The following CCDC171 variants were observed in gnomAD, a reference collection of about 807,000 sequenced individuals.
CCDC171 encodes coiled-coil domain containing 171.
A neutral mutation model predicts 168.2 loss-of-function variants in CCDC171; 177 were observed. The observed-to-expected ratio is 1.05, with a 90% confidence interval of 0.93 to 1.19. The LOEUF (loss-of-function observed/expected upper bound fraction) is 1.19, where lower values mean the gene tolerates loss of function less well. Ranked by LOEUF, CCDC171 falls within the 50% of genes most tolerant of loss-of-function variation. The pLI is 0.00. For synonymous variants in CCDC171, 687 were observed against 540.8 expected (o/e 1.27, Z -3.75); for missense variants, 1,991 against 1,539.0 (o/e 1.29, Z -4.91).
chr9:15,613,016 G>A (rs774207469), intron 6 of CCDC171, among the ~76,000 whole-genome samples: 1 of 152,030 alleles, frequency 6.6e-6, no homozygotes, highest in Non-Finnish European at 1.5e-5. Flanking sequence ...TTTTGTTGGG[G>A]GTTCTATATA....
At chr9:15,748,281 G>GT (rs1158441836) in intron 18 of CCDC171, among the ~76,000 whole-genome samples, 1 of 152,076 alleles carries the variant, frequency 6.6e-6, no homozygotes, top group East Asian at 1.9e-4. Flanking sequence ...AGAAAAAGGA[G>GT]TAAAAAAAAT....
intron 8 of CCDC171, among the ~76,000 whole-genome samples, chr9:15,664,703 T>G (rs1338463866): frequency 1.4e-5 from 2 of 148,098 alleles, no homozygotes. Context: ...TGTTTTTTTT[T>G]TTTTTTTTTT....
the CCDC171 span, among the ~76,000 whole-genome samples, chr9:16,071,653 C>T: frequency 0.017 from 2,521 of 152,330 alleles, 60 homozygotes; most frequent in African/African-American, 0.056. Flanking sequence ...GAGGAAGCTT[C>T]GCTTCCCAAC....
At chr9:16,081,376 C>T in the CCDC171 span, among the ~76,000 whole-genome samples, 1 of 152,210 alleles carries the variant, frequency 6.6e-6, no homozygotes, top group Non-Finnish European at 1.5e-5. Flanking sequence ...TGATAGTTCC[C>T]TGGCAACTAT....
intron 4 of CCDC171, among the ~76,000 whole-genome samples, chr9:15,585,324 A>C (rs1301259769): frequency 6.6e-6 from 1 of 152,224 alleles, no homozygotes; most frequent in African/African-American, 2.4e-5. Context: ...TGGTGGTCCA[A>C]AGTTGGGGAA....
At chr9:15,950,949 A>G (rs1829082586) in intron 25 of CCDC171, among the ~76,000 whole-genome samples, 1 of 151,644 alleles carries the variant, frequency 6.6e-6, no homozygotes, top group Non-Finnish European at 1.5e-5. Context: ...CAAATGGAAA[A>G]CAAAAAGAGG....
chr9:15,798,762 A>G (rs911489267), intron 21 of CCDC171, among the ~76,000 whole-genome samples: 1 of 152,160 alleles, frequency 6.6e-6, no homozygotes, highest in African/African-American at 2.4e-5. Context: ...GAGGCTCACA[A>G]TGCCCGAAAT....
chr9:15,664,315 C>G (rs1053957533), intron 8 of CCDC171, among the ~76,000 whole-genome samples: 5 of 152,156 alleles, frequency 3.3e-5, no homozygotes, highest in African/African-American at 9.7e-5. Flanking sequence ...GTGGTGCGAT[C>G]TTGGCTCACT....
chr9:15,723,294 C>T (rs937577739), intron 12 of CCDC171, among the ~76,000 whole-genome samples: 1 of 152,180 alleles, frequency 6.6e-6, no homozygotes, highest in African/African-American at 2.4e-5. Flanking sequence ...GAACAGTCTT[C>T]TGCTCTGTTC....
the CCDC171 span, among the ~76,000 whole-genome samples, chr9:16,100,503 A>G: frequency 1.1e-4 from 17 of 152,298 alleles, no homozygotes; most frequent in African/African-American, 3.6e-4. Flanking sequence ...GGCCACACAC[A>G]CAAATGTTGC....
At chr9:16,094,507 T>C in the CCDC171 span, among the ~76,000 whole-genome samples, 20 of 152,062 alleles carry the variant, frequency 1.3e-4, no homozygotes, top group Admixed American at 1.3e-3. Context: ...TGATGACCAA[T>C]TTGATGTGGG....
chr9:16,053,786 C>G (rs1395377031), intron 1 of CCDC171, among the ~76,000 whole-genome samples: 1 of 152,236 alleles, frequency 6.6e-6, no homozygotes, highest in Non-Finnish European at 1.5e-5. Context: ...CTTCATTTCA[C>G]AGGCTTTGCA....
intron 6 of CCDC171, among the ~76,000 whole-genome samples, chr9:16,031,559 T>C (rs1669746821): frequency 6.6e-6 from 1 of 152,192 alleles, no homozygotes; most frequent in Non-Finnish European, 1.5e-5. Context: ...AAGTTGTTCA[T>C]GGTCAGGGAG....
chr9:15,967,095 G>T, intron 25 of CCDC171, among the ~76,000 whole-genome samples: 1 of 152,144 alleles, frequency 6.6e-6, no homozygotes, highest in Non-Finnish European at 1.5e-5. Context: ...TATGAGACCA[G>T]CATGACAACT....
chr9:15,633,109 T>C (rs11999403), intron 7 of CCDC171, among the ~76,000 whole-genome samples: 4,560 of 152,286 alleles, frequency 0.03, 228 homozygotes, highest in African/African-American at 0.1. Context: ...GACATAGGCA[T>C]GGGCAAGGAC....
rs137883065 is a variant in CCDC171, at chr9:15,657,303, C to T, written c.915+84C>T. On this transcript the variant is annotated intron_variant, in intron 8 of 25. Transcript: ENST00000380701. The stretch of plus-strand genomic sequence containing the variant: ...GAAAAACAGCACTGTGTTCAGAGAA[C>T]GAAGGTGTGCATTGAGAATGGGTAA... 1.1e-3 allele frequency: 851 copies of T among 747,200 alleles called. 7 individuals carry two copies. The African/African-American group carries it at 0.014, about 12-fold the overall frequency. The allele number at this position is 747,200 out of a possible 1,614,324, so 46.3% of individuals were successfully genotyped here.
intron 8 of CCDC171, among the ~76,000 whole-genome samples, chr9:16,036,498 G>A (rs936136784): frequency 6.6e-6 from 1 of 152,214 alleles, no homozygotes; most frequent in East Asian, 1.9e-4. Context: ...CAAAAAATTA[G>A]CTGGGCGTGG....
intron 25 of CCDC171, among the ~76,000 whole-genome samples, chr9:15,964,404 T>C (rs1830607662): frequency 6.6e-6 from 1 of 151,710 alleles, no homozygotes; most frequent in African/African-American, 2.4e-5. Flanking sequence ...TTTTTATATA[T>C]TTGAGTGCAT....
the CCDC171 span, among the ~76,000 whole-genome samples, chr9:16,068,990 G>T: frequency 6.6e-6 from 1 of 152,148 alleles, no homozygotes; most frequent in African/African-American, 2.4e-5. Flanking sequence ...CCTGGAGGGG[G>T]TAGTTAGACC....
Sources: allele counts gnomAD v4.1 joint callset (sites outside exome capture counted in the v4.1 genomes callset), GRCh38; gene constraint gnomAD v4.1.1; transcripts MANE v1.5; gene names NCBI Gene and HGNC (gene_info 2026-07-23, HGNC 2026-07-21).